KIF1B: variants seen among roughly 807,000 people sequenced by gnomAD.
KIF1B encodes the protein kinesin-like protein KIF1B.
A neutral mutation model predicts 241.9 loss-of-function variants in KIF1B; 76 were observed. That is an observed-to-expected ratio of 0.31 (90% CI 0.26 to 0.38). The LOEUF (loss-of-function observed/expected upper bound fraction) is 0.38, where lower values mean the gene tolerates loss of function less well. Ranked by LOEUF, KIF1B falls within the 10% of genes least tolerant of loss-of-function variation. The pLI is 1.00. For synonymous variants in KIF1B, 750 were observed against 796.7 expected (o/e 0.94, Z 0.99); for missense variants, 1,622 against 2,271.4 (o/e 0.71, Z 5.81).
chr1:10,324,583 A>G (rs1289066224), intron 25 of KIF1B, among the ~76,000 whole-genome samples, 175 bp from the exon 26 acceptor site: 1 of 151,718 alleles, frequency 6.6e-6, no homozygotes, highest in Non-Finnish European at 1.5e-5. Context: ...GACACTTTAG[A>G]TACTGAGTGT....
At chr1:10,266,224 A>G (rs1464314252) in intron 5 of KIF1B, among the ~76,000 whole-genome samples, 2 of 152,212 alleles carry the variant, frequency 1.3e-5, no homozygotes, top group Admixed American at 6.5e-5. Flanking sequence ...TTACCATGAG[A>G]AATAACTATT....
chr1:10,324,122 A>T, intron 25 of KIF1B, 60 bp downstream of exon 25: 1 of 1,526,542 alleles, frequency 6.6e-7, no homozygotes, highest in Non-Finnish European at 9.1e-7. Flanking sequence ...GACCTGCTCA[A>T]GTGAGCTCCC....
chr1:10,246,437 C>T (rs148814775), intron 2 of KIF1B, among the ~76,000 whole-genome samples: 2 of 152,292 alleles, frequency 1.3e-5, no homozygotes, highest in East Asian at 1.9e-4. Context: ...ATGCAGTAGC[C>T]AGTCATATTT....
intron 1 of KIF1B, among the ~76,000 whole-genome samples, chr1:10,226,828 C>T (rs190912545): frequency 6.6e-5 from 10 of 151,708 alleles, no homozygotes; most frequent in African/African-American, 2.4e-4. Flanking sequence ...GCTAGCCAGG[C>T]GTGGTGGCGT....
At chr1:10,256,697 A>G (rs760258480) in intron 3 of KIF1B, among the ~76,000 whole-genome samples, 5 of 149,124 alleles carry the variant, frequency 3.4e-5, no homozygotes, top group Non-Finnish European at 7.4e-5. Flanking sequence ...GCCAAATAAT[A>G]ATAATAATTA....
At chr1:10,264,723 G>A (rs932607030) in intron 5 of KIF1B, among the ~76,000 whole-genome samples, 8 of 151,894 alleles carry the variant, frequency 5.3e-5, no homozygotes, top group Non-Finnish European at 8.8e-5. Flanking sequence ...GTGCAGCGGC[G>A]CGGTCTCGGC....
At position 10,366,843 on chromosome 1, in the gene KIF1B, C is replaced by T. The variant is rs1299357566; in HGVS notation, c.4752+1195C>T. The stretch of plus-strand genomic sequence containing the variant: ...AAAATTAGCCGAACGTGGTGGCGTG[C>T]GCCTGTAGTCCCAGCTACTAAGGAG... On this transcript the variant is annotated intron_variant, in intron 43 of 48. Transcript: ENST00000676179. 8.6e-5 allele frequency among the ~76,000 whole-genome samples: 13 copies of T among 151,954 alleles called. No homozygotes were observed. The South Asian group carries it at 1.2e-3, about 15-fold the overall frequency.
intron 1 of KIF1B, among the ~76,000 whole-genome samples, chr1:10,228,139 C>A (rs1028829068): frequency 5.9e-5 from 9 of 151,850 alleles, no homozygotes; most frequent in Non-Finnish European, 1.3e-4. Context: ...GAGCCAAGAT[C>A]ATGCCACTGC....
intron 23 of KIF1B, among the ~76,000 whole-genome samples, chr1:10,321,052 G>GAA (rs537241321): frequency 2.2e-5 from 3 of 135,498 alleles, no homozygotes; most frequent in Non-Finnish European, 4.8e-5. Flanking sequence ...CTCTGTAACA[G>GAA]AAAAAAAAAA....
chr1:10,367,037 G>T (rs1178384132), intron 43 of KIF1B, among the ~76,000 whole-genome samples: 2 of 152,122 alleles, frequency 1.3e-5, no homozygotes, highest in African/African-American at 2.4e-5. Flanking sequence ...ATACACTGAG[G>T]AAGGGAGAAT....
intron 4 of KIF1B, among the ~76,000 whole-genome samples, chr1:10,259,864 G>A (rs1648027165): frequency 6.6e-6 from 1 of 151,862 alleles, no homozygotes; most frequent in East Asian, 1.9e-4. Flanking sequence ...GAATGGACCT[G>A]GGCTCCATCC....
At chr1:10,304,566 T>TA (rs772146954) in intron 22 of KIF1B, 6 of 1,614,008 alleles carry the variant, frequency 3.7e-6, no homozygotes, top group Non-Finnish European at 5.1e-6. Context: ...CCAGCCACTG[T>TA]AGCCAGTTTG....
rs529292243 is a variant in KIF1B at position 10,367,723 on chromosome 1, G to T, written c.4753-744G>T. ...CTCATTTTTTGTAGGTGTTTTTTTT[G>T]TTTGTTTGTTTGTTTTTTGGAGAGG... On this transcript the variant is annotated intron_variant, in intron 43 of 48. Coordinates refer to ENST00000676179, the MANE Select transcript of KIF1B (RefSeq NM_001365951.3). 8.1e-3 allele frequency among the ~76,000 whole-genome samples: 1,219 copies of T among 149,608 alleles called. 14 individuals carry two copies. Among genetic ancestry groups the T allele is most frequent in the African/African-American group, 0.027 (1,098 of 40,786 alleles).
chr1:10,284,407 C>T (rs574408538), intron 15 of KIF1B, among the ~76,000 whole-genome samples: 75 of 152,146 alleles, frequency 4.9e-4, no homozygotes, highest in African/African-American at 1.4e-3. Context: ...AAAATTAAGC[C>T]GGGCTTAGTG....
chr1:10,247,873 C>G (rs1275272563), intron 2 of KIF1B, among the ~76,000 whole-genome samples: 1 of 152,068 alleles, frequency 6.6e-6, no homozygotes, highest in Non-Finnish European at 1.5e-5. Context: ...TGAAACCGTT[C>G]CATCTCAGAT....
rs754357982 is a variant in KIF1B, at chr1:10,296,605, G to C, written c.1801G>C (p.Glu601Gln). Residue 601 changes from glutamate (E) to glutamine (Q), a missense_variant, in exon 20 of 49, where the codon GAG (glutamate) becomes CAG (glutamine). Coordinates refer to ENST00000676179, the MANE Select transcript of KIF1B (RefSeq NM_001365951.3). The stretch of plus-strand genomic sequence containing the variant: ...AGTTATCGTGACCTTAGAGCCCTGT[G>C]AGCGCTCAGAAACCTACGTAAATGG... ...GEVIVTLEPCERSETYVNGKR... is the reference protein window; with the variant it reads ...GEVIVTLEPCQRSETYVNGKR... 45 of 1,613,658 alleles carry C rather than the reference G, an allele frequency of 2.8e-5. No individual in the cohort carries two copies. Among genetic ancestry groups the C allele is most frequent in the African/African-American group, 4.0e-5 (3 of 74,860 alleles).
Position 10,307,186 on chromosome 1 carries a change from C to CA in KIF1B, c.2115+9943dup, listed in dbSNP as rs1399094637. The CA allele has an allele frequency of 4.9e-6, 5 of 1,030,208 alleles. No homozygotes were observed. In the East Asian group the frequency reaches 3.1e-4, roughly 63 times the overall value. 63.8% of individuals were successfully genotyped at this position (1,030,208 alleles called of 1,614,324 possible). ...GTATGTCCCATGATGCATTTCTGAG[C>CA]AAATGCTTATCCTAGAGAATAACTC... On this transcript the variant is annotated intron_variant, in intron 22 of 48. Coordinates refer to ENST00000676179, the MANE Select transcript of KIF1B (RefSeq NM_001365951.3).
chr1:10,251,379 G>A (rs775952743), intron 2 of KIF1B, among the ~76,000 whole-genome samples: 1 of 150,512 alleles, frequency 6.6e-6, no homozygotes, highest in African/African-American at 2.4e-5. Flanking sequence ...GATAAAATCT[G>A]AGTAGTCTTT....
Position 10,277,966 on chromosome 1 carries a change from A to G in KIF1B, c.1038-20A>G. On this transcript the variant is annotated intron_variant, in intron 12 of 48. Coordinates refer to ENST00000676179, the MANE Select transcript of KIF1B (RefSeq NM_001365951.3). ...GAACATATGAGAAATGACAAGAACAAATTTTCTTTTTGGATCTAGATATGC... is the reference window on the plus strand; with the variant it reads ...GAACATATGAGAAATGACAAGAACAGATTTTCTTTTTGGATCTAGATATGC... 6.2e-7 allele frequency: 1 copy of G among 1,611,612 alleles called. No individual in the cohort carries two copies.
Sources: gnomAD v4.1 joint callset for allele counts (sites outside exome capture counted in the v4.1 genomes callset) on GRCh38, gnomAD v4.1.1 for gene constraint, MANE v1.5 for transcripts, NCBI Gene and HGNC (gene_info 2026-07-23, HGNC 2026-07-21) for gene names.